CSMD1: variants seen among roughly 807,000 people sequenced by gnomAD.
The protein encoded by CSMD1 is CUB and sushi domain-containing protein 1.
Under a neutral mutation model 417.5 loss-of-function variants are expected in CSMD1, and 213 were observed. The ratio of observed to expected loss-of-function variants is 0.51; its 90% confidence interval spans 0.46 to 0.57. The LOEUF is 0.57. Among genes scored for constraint, CSMD1 ranks in the 20% least tolerant of loss-of-function variants. The pLI is 0.00. For synonymous variants in CSMD1, 2,862 were observed against 1,736.8 expected (o/e 1.65, Z -16.11); for missense variants, 6,923 against 4,529.7 (o/e 1.53, Z -15.17).
intron 2 of CSMD1, among the ~76,000 whole-genome samples, chr8:4,487,442 T>G (rs1477232465): frequency 6.6e-6 from 1 of 152,174 alleles, no homozygotes; most frequent in Non-Finnish European, 1.5e-5. Flanking sequence ...TGCGATACAT[T>G]ACTGAGAATG....
chr8:4,935,958 G>A (rs139154053), intron 1 of CSMD1, among the ~76,000 whole-genome samples: 460 of 152,322 alleles, frequency 3.0e-3, no homozygotes, highest in African/African-American at 0.011. Flanking sequence ...TACTTACACT[G>A]CCTTTTCAGC....
chr8:4,259,150 T>C (rs906593178), intron 3 of CSMD1, among the ~76,000 whole-genome samples: 2 of 152,190 alleles, frequency 1.3e-5, no homozygotes, highest in African/African-American at 2.4e-5. Flanking sequence ...ACCTCCAAAC[T>C]ATCTCACACA....
At chr8:4,462,417 C>A (rs1244186105) in intron 2 of CSMD1, among the ~76,000 whole-genome samples, 1 of 152,008 alleles carries the variant, frequency 6.6e-6, no homozygotes, top group African/African-American at 2.4e-5. Flanking sequence ...TGGCAATACT[C>A]CCCAAATTGA....
At chr8:4,041,474 G>T (rs892304849) in intron 3 of CSMD1, among the ~76,000 whole-genome samples, 7 of 152,094 alleles carry the variant, frequency 4.6e-5, no homozygotes, top group African/African-American at 7.2e-5. Flanking sequence ...GTAGTGTAAG[G>T]ATCAAACTGT....
chr8:3,838,895 A>T (rs1252450354), intron 5 of CSMD1, among the ~76,000 whole-genome samples: 4 of 108,596 alleles, frequency 3.7e-5, no homozygotes, highest in African/African-American at 1.1e-4. Context: ...ATAATATATA[A>T]TAATATATAC....
At chr8:4,809,948 C>T (rs1312171825) in intron 1 of CSMD1, among the ~76,000 whole-genome samples, 2 of 152,188 alleles carry the variant, frequency 1.3e-5, no homozygotes, top group East Asian at 1.9e-4. Flanking sequence ...GTTTCTTCAC[C>T]TGTTTCTTCT....
At chr8:4,495,049 G>C (rs1801910384) in intron 2 of CSMD1, among the ~76,000 whole-genome samples, 1 of 152,102 alleles carries the variant, frequency 6.6e-6, no homozygotes, top group Non-Finnish European at 1.5e-5. Flanking sequence ...TGGCAGAAAA[G>C]CACTAGGGAC....
chr8:3,642,466 C>T (rs1905099), intron 7 of CSMD1, among the ~76,000 whole-genome samples: 8,565 of 152,152 alleles, frequency 0.056, 621 homozygotes, highest in African/African-American at 0.16. Context: ...GAGATATTCC[C>T]AAGTAGTGAC....
At chr8:4,235,358 T>G (rs1801982476) in intron 3 of CSMD1, among the ~76,000 whole-genome samples, 1 of 119,954 alleles carries the variant, frequency 8.3e-6, no homozygotes, top group Admixed American at 7.6e-5. Context: ...AAGACGTGTT[T>G]TGTTTTTTTT....
At chr8:4,386,558 G>C (rs754503422) in intron 3 of CSMD1, among the ~76,000 whole-genome samples, 1 of 152,186 alleles carries the variant, frequency 6.6e-6, no homozygotes, top group Admixed American at 6.5e-5. Flanking sequence ...CCTAAAATAA[G>C]TAAGACCTAT....
chr8:3,723,104 T>G (rs1802281217), intron 6 of CSMD1, among the ~76,000 whole-genome samples: 1 of 152,164 alleles, frequency 6.6e-6, no homozygotes, highest in African/African-American at 2.4e-5. Flanking sequence ...TGACATTCAG[T>G]CAGGTTATTG....
rs78879857 is a variant in CSMD1 at position 3,985,627 on chromosome 8, G to A, written c.818+12276C>T. Among the ~76,000 whole-genome samples, 1,278 of 152,190 alleles carry A rather than the reference G, an allele frequency of 8.4e-3. 19 individuals are homozygous for A. The highest frequency in any genetic ancestry group is 0.028 in the African/African-American group (1,156 of 41,540). On this transcript the variant is annotated intron_variant, in intron 5 of 69. Coordinates refer to ENST00000635120, the MANE Select transcript of CSMD1 (RefSeq NM_033225.6). ...TTCTAGTACAGGAAGATCCTTGCACGGCAGAACCGTTGCACTCACAGAAGC... is the reference window on the plus strand; with the variant it reads ...TTCTAGTACAGGAAGATCCTTGCACAGCAGAACCGTTGCACTCACAGAAGC...
intron 26 of CSMD1, among the ~76,000 whole-genome samples, chr8:3,235,424 A>C (rs998720479): frequency 1.1e-4 from 17 of 152,200 alleles, no homozygotes; most frequent in African/African-American, 3.9e-4. Context: ...AGCCTTGCAA[A>C]AAATAAGTGC....
At chr8:3,557,725 T>C (rs571354081) in intron 10 of CSMD1, among the ~76,000 whole-genome samples, 1 of 152,292 alleles carries the variant, frequency 6.6e-6, no homozygotes, top group Non-Finnish European at 1.5e-5. Context: ...TTCCTCTACC[T>C]GTGGATACTT....
rs1808075915 is a variant in CSMD1 at position 3,007,920 on chromosome 8, A to C, written c.8030-7789T>G. 2.0e-5 allele frequency among the ~76,000 whole-genome samples: 3 copies of C among 152,242 alleles called. No homozygotes were observed. In the South Asian group the frequency reaches 6.2e-4, roughly 32 times the overall value. ...CATGTACCCTAAAACTTAAAGTATA[A>C]TAATAAAAGAAAAAAAACTTAAAAA... On this transcript the variant is annotated intron_variant, in intron 52 of 69. Transcript: ENST00000635120.
intron 3 of CSMD1, among the ~76,000 whole-genome samples, chr8:4,418,025 C>A (rs977230593): frequency 6.6e-6 from 1 of 151,972 alleles, no homozygotes; most frequent in African/African-American, 2.4e-5. Flanking sequence ...AACGCACACT[C>A]ATTTTTGCAG....
At chr8:4,716,956 G>C (rs923529009) in intron 1 of CSMD1, among the ~76,000 whole-genome samples, 1 of 152,068 alleles carries the variant, frequency 6.6e-6, no homozygotes, top group Admixed American at 6.6e-5. Flanking sequence ...ATGAAACTTA[G>C]TATAATTCCA....
intron 3 of CSMD1, among the ~76,000 whole-genome samples, chr8:4,135,952 G>C (rs745305817): frequency 5.9e-5 from 9 of 152,012 alleles, no homozygotes; most frequent in Non-Finnish European, 1.2e-4. Flanking sequence ...TAAACTATTG[G>C]TGTTAAGTCA....
chr8:4,686,427 C>T (rs1806390952), intron 1 of CSMD1, among the ~76,000 whole-genome samples: 1 of 152,208 alleles, frequency 6.6e-6, no homozygotes, highest in Admixed American at 6.5e-5. Flanking sequence ...CTCTTCTCCC[C>T]CGATGTAGGC....
Sources: gnomAD v4.1 joint callset for allele counts (sites outside exome capture counted in the v4.1 genomes callset) on GRCh38, gnomAD v4.1.1 for gene constraint, MANE v1.5 for transcripts, NCBI Gene and HGNC (gene_info 2026-07-23, HGNC 2026-07-21) for gene names.